Variants in SCN2A observed in about 807,000 individuals in gnomAD.
SCN2A encodes sodium voltage-gated channel alpha subunit 2, also known as sodium channel protein type 2 subunit alpha.
Under a neutral mutation model 188.7 loss-of-function variants are expected in SCN2A, and 20 were observed. The observed-to-expected ratio is 0.11, with a 90% CI of 0.07 to 0.15. The LOEUF is 0.15. Ranked by LOEUF, SCN2A falls within the 10% of genes least tolerant of loss-of-function variation. The probability of loss-of-function intolerance (pLI) is 1.00; values close to 1 mark genes in which losing one functional copy is unlikely to be tolerated. For missense variants in SCN2A, 1,278 were observed against 2,445.0 expected, an observed-to-expected ratio of 0.52 and a Z score of 10.07; for synonymous variants, 804 against 833.1, an observed-to-expected ratio of 0.97 and a Z score of 0.60.
rs568397596 is a variant in SCN2A at position 165,298,855 on chromosome 2, G to C, written c.386+1720G>C. On this transcript the variant is annotated intron_variant, in intron 3 of 26. Coordinates refer to ENST00000375437, the MANE Select transcript of SCN2A (RefSeq NM_001040142.2). ...AATTCTAGCCTAGAACTAGACTTCTGTTCCTAGTAGACATTGGGAAAATAT... is the reference window on the plus strand; with the variant it reads ...AATTCTAGCCTAGAACTAGACTTCTCTTCCTAGTAGACATTGGGAAAATAT... Among the ~76,000 whole-genome samples, 17 of 152,106 alleles carry C rather than the reference G, an allele frequency of 1.1e-4. No individual in the cohort carries two copies. The South Asian group carries it at 3.5e-3, about 32-fold the overall frequency.
chr2:165,388,052 A>T (rs1464901079), intron 26 of SCN2A, among the ~76,000 whole-genome samples: 1 of 152,170 alleles, frequency 6.6e-6, no homozygotes, highest in East Asian at 1.9e-4. Context: ...TGTGCCTAGC[A>T]TGAAGAAAAG....
chr2:165,326,731 G>T, intron 12 of SCN2A, 121 bp from the exon 13 acceptor site: 1 of 1,133,316 alleles, frequency 8.8e-7, no homozygotes, highest in Non-Finnish European at 1.3e-6. Flanking sequence ...ATATCTTAGT[G>T]AGCTTTTTAC....
chr2:165,243,750 T>C (rs1367399380), intron 1 of SCN2A: 1 of 152,094 alleles, frequency 6.6e-6, no homozygotes, highest in Non-Finnish European at 1.5e-5. Context: ...CAATCTCCTC[T>C]AAGGTGAATG....
intron 19 of SCN2A, among the ~76,000 whole-genome samples, chr2:165,368,994 C>T (rs1476465913): frequency 1.3e-5 from 2 of 151,674 alleles, no homozygotes; most frequent in Non-Finnish European, 1.5e-5. Flanking sequence ...GGTGTGATCT[C>T]GACTCACTGC....
chr2:165,377,268 AT>A (rs1489263434), intron 22 of SCN2A, among the ~76,000 whole-genome samples: 1 of 151,874 alleles, frequency 6.6e-6, no homozygotes, highest in Non-Finnish European at 1.5e-5. Context: ...TACACATGAA[AT>A]TTTTTCATCA....
chr2:165,346,796 C>T (rs1411345563), intron 16 of SCN2A, among the ~76,000 whole-genome samples: 1 of 152,200 alleles, frequency 6.6e-6, no homozygotes, highest in African/African-American at 2.4e-5. Flanking sequence ...TGAACAGACA[C>T]TTCTCAAAAG....
rs145872143 is a variant in SCN2A, at chr2:165,277,039, G to A, written c.-51-18734G>A. Among the ~76,000 whole-genome samples, 247 of 151,958 alleles carry A rather than the reference G, an allele frequency of 1.6e-3. 5 individuals are homozygous for A. In the East Asian group the frequency reaches 0.041, roughly 25 times the overall value. ...AAATACAAAAAATTAGACAGGTGTCGACAGAGCAAGACTCCGTCTCAAAAA... is the reference window on the plus strand; with the variant it reads ...AAATACAAAAAATTAGACAGGTGTCAACAGAGCAAGACTCCGTCTCAAAAA... On this transcript the variant is annotated intron_variant, in intron 1 of 26. Transcript: ENST00000375437.
In SCN2A at chr2:165,283,504, T is replaced by A. The variant is rs78468707; in HGVS notation, c.-51-12269T>A. Among the ~76,000 whole-genome samples the A allele has an allele frequency of 2.2e-3, 340 of 152,330 alleles. 2 individuals carry two copies. Among genetic ancestry groups the A allele is most frequent in the African/African-American group, 8.0e-3 (332 of 41,576 alleles). ...CATGCCTGGGATAAGAGTACATTCA[T>A]TATGGTGCATGTGAAGGTATTGAGA... On this transcript the variant is annotated intron_variant, in intron 1 of 26. Transcript: ENST00000375437.
chr2:165,387,626 G>A (rs552079815), intron 26 of SCN2A, among the ~76,000 whole-genome samples: 107 of 152,062 alleles, frequency 7.0e-4, no homozygotes, highest in Admixed American at 3.1e-3. Context: ...TAAGTCCTAG[G>A]AATGCAAAAG....
At chr2:165,312,223 G>A (rs1340761726) in intron 8 of SCN2A, 135 bp downstream of exon 8, 3 of 707,398 alleles carry the variant, frequency 4.2e-6, no homozygotes, top group African/African-American at 1.7e-5. Context: ...GTGACTCTCA[G>A]AATAGCCAGG....
rs16850430 is a variant in SCN2A at position 165,341,674 on chromosome 2, G to T, written c.2389-622G>T. Among the ~76,000 whole-genome samples, 672 of 152,190 alleles carry T rather than the reference G, an allele frequency of 4.4e-3. 4 individuals carry two copies. In the Middle Eastern group the frequency reaches 0.065, roughly 15 times the overall value. ...GGCTGACTTTCATCACCTCTAAGAC[G>T]CTGAAGTACTGAGACTGTGCTTCTC... On this transcript the variant is annotated intron_variant, in intron 14 of 26. Transcript: ENST00000375437.
In SCN2A at chr2:165,332,479, T is replaced by C. The variant is rs1428404220; in HGVS notation, c.2388+911T>C. 3.3e-5 allele frequency among the ~76,000 whole-genome samples: 5 copies of C among 152,010 alleles called. No individual in the cohort carries two copies. The South Asian group carries it at 8.3e-4, about 25-fold the overall frequency. On this transcript the variant is annotated intron_variant, in intron 14 of 26. Transcript: ENST00000375437. ...TCCCACAAAACCAGTCTTAAGATAT[T>C]TACTATAAATTGTCTGTATTTCGCA...
chr2:165,245,547 T>C (rs1384103161), intron 1 of SCN2A: 1 of 152,222 alleles, frequency 6.6e-6, no homozygotes, highest in African/African-American at 2.4e-5. Flanking sequence ...CTCCCCTGGA[T>C]TGAGCAAATG....
At chr2:165,247,504 T>G (rs1693898396) in intron 1 of SCN2A, among the ~76,000 whole-genome samples, 2 of 152,148 alleles carry the variant, frequency 1.3e-5, no homozygotes, top group Admixed American at 1.3e-4. Flanking sequence ...CATCCAGCAA[T>G]ATTGGAGACA....
intron 14 of SCN2A, among the ~76,000 whole-genome samples, chr2:165,332,277 A>G (rs1048154966): frequency 2.0e-5 from 3 of 152,070 alleles, no homozygotes; most frequent in Non-Finnish European, 4.4e-5. Flanking sequence ...GATTGTAAAT[A>G]ATACGGTCTA....
intron 22 of SCN2A, among the ~76,000 whole-genome samples, chr2:165,375,580 T>A (rs1701266346): frequency 6.6e-6 from 1 of 151,832 alleles, no homozygotes; most frequent in Non-Finnish European, 1.5e-5. Context: ...ACTGAGAAAA[T>A]GTACAAGACT....
intron 1 of SCN2A, among the ~76,000 whole-genome samples, chr2:165,291,407 C>CT (rs1231007183): frequency 1.1e-4 from 13 of 123,444 alleles, no homozygotes; most frequent in Non-Finnish European, 5.2e-5. Context: ...TTCCTTCCTT[C>CT]CTTCCTTCCT....
intron 13 of SCN2A, among the ~76,000 whole-genome samples, chr2:165,330,996 C>T (rs889187050): frequency 2.0e-5 from 3 of 152,136 alleles, no homozygotes; most frequent in South Asian, 2.1e-4. Flanking sequence ...TCTTGCTCTA[C>T]CTGGAACATG....
rs1697697928 is a variant in SCN2A, at chr2:165,315,559, C to T, written c.1472C>T (p.Ser491Phe). 2 of 1,613,912 alleles carry T rather than the reference C, an allele frequency of 1.2e-6. No homozygotes were observed. The highest frequency in any genetic ancestry group is 1.7e-6 in the Non-Finnish European group (2 of 1,179,936). Residue 491 changes from serine to phenylalanine, a missense_variant, in exon 11 of 27, where the codon TCT (serine) becomes TTT (phenylalanine). Ser to Phe is a radical substitution (Grantham distance 155). Coordinates refer to ENST00000375437, the MANE Select transcript of SCN2A (RefSeq NM_001040142.2). ...GVFSESSSVA[S>F]KLSSKSEKEL... ...TTTTCAGAGAGTTCTTCAGTAGCATCTAAGTTGAGCTCCAAAAGTGAAAAA... is the reference window on the plus strand; with the variant it reads ...TTTTCAGAGAGTTCTTCAGTAGCATTTAAGTTGAGCTCCAAAAGTGAAAAA...
Sources: allele counts gnomAD v4.1 joint callset (sites outside exome capture counted in the v4.1 genomes callset), GRCh38; gene constraint gnomAD v4.1.1; transcripts MANE v1.5; gene names NCBI Gene and HGNC (gene_info 2026-07-23, HGNC 2026-07-21).